The following ABCA12 variants were observed in gnomAD, a reference collection of about 807,000 sequenced individuals.
The protein encoded by ABCA12 is glucosylceramide transporter ABCA12.
ABCA12 carries 156 observed loss-of-function variants against 293.5 expected under a neutral mutation model. The ratio of observed to expected loss-of-function variants is 0.53; its 90% CI spans 0.47 to 0.61. The LOEUF (loss-of-function observed/expected upper bound fraction) is 0.61, where lower values mean the gene tolerates loss of function less well. ABCA12 is among the 20% of genes least tolerant of loss of function. ABCA12 has a pLI of 0.00. For missense variants in ABCA12, 2,797 were observed against 3,090.2 expected (o/e 0.91, Z 2.25); for synonymous variants, 1,063 against 1,108.0 (o/e 0.96, Z 0.81).
intron 15 of ABCA12, chr2:215,012,979 T>C (rs865877493): frequency 1.3e-5 from 2 of 152,362 alleles, no homozygotes; most frequent in South Asian, 2.1e-4. Context: ...ATAATGCTTA[T>C]GTGCTACAAG....
chr2:214,949,124 C>G lies in ABCA12; in HGVS notation c.6878G>C (p.Gly2293Ala), dbSNP rs1698671395. Residue 2293 changes from glycine to alanine, a missense_variant, in exon 46 of 53, where the codon GGA becomes GCA. Coordinates refer to ENST00000272895, the MANE Select transcript of ABCA12 (RefSeq NM_173076.3). ...CTTGAATATAGTGGTCTTTCCTGCT[C>G]CATTCACTCCAAGAAGCCCAAAACA... ...GECFGLLGVN[G>A]AGKTTIFKML... 1.2e-6 allele frequency: 2 copies of G among 1,613,626 alleles called. No homozygotes were observed. Among genetic ancestry groups the G allele is most frequent in the Non-Finnish European group, 1.7e-6 (2 of 1,179,822 alleles).
Position 214,950,970 on chromosome 2 carries a change from A to C in ABCA12, c.6761T>G (p.Val2254Gly), listed in dbSNP as rs1698747015. ...VESGAAEFDLVQLYCLTKTYQ... is the reference protein window; with the variant it reads ...VESGAAEFDLGQLYCLTKTYQ... ...GGTCTTTGTGAGACAATAAAGTTGG[A>C]CCAAGTCAAATTCAGCTGCACCACT... The change falls in exon 45 of 53, where the codon GTC becomes GGC. Residue 2254 changes from valine to glycine, a missense_variant. By Grantham distance (109) the Val-to-Gly change is moderately radical. This residue lies in a region of ABCA12 where 2,130 missense variants were observed against 2,427.0 expected (regional missense o/e 0.88). Transcript: ENST00000272895. 6.2e-7 allele frequency: 1 copy of C among 1,614,044 alleles called. No homozygotes were observed. Among genetic ancestry groups the C allele is most frequent in the African/African-American group, 1.3e-5 (1 of 74,936 alleles).
chr2:215,066,769 C>A (rs941070233), intron 2 of ABCA12, among the ~76,000 whole-genome samples: 2 of 152,124 alleles, frequency 1.3e-5, no homozygotes, highest in East Asian at 3.9e-4. Flanking sequence ...TTTCAGCTAA[C>A]AGAGTGCCAT....
At chr2:215,012,646 C>T (rs563488537) in intron 15 of ABCA12, among the ~76,000 whole-genome samples, 80 of 152,102 alleles carry the variant, frequency 5.3e-4, no homozygotes, top group African/African-American at 1.8e-3. Context: ...TGAAATGAGA[C>T]GTAACTGCAA....
At chr2:214,982,528 A>G in intron 29 of ABCA12, 145 bp from the exon 30 acceptor site, 1 of 645,986 alleles carries the variant, frequency 1.5e-6, no homozygotes, top group East Asian at 2.8e-5. Flanking sequence ...GATTCATAAT[A>G]TAGTTTTCTA....
chr2:215,104,359 A>C (rs1702419088), intron 2 of ABCA12, among the ~76,000 whole-genome samples: 2 of 152,202 alleles, frequency 1.3e-5, no homozygotes, highest in Non-Finnish European at 2.9e-5. Flanking sequence ...ATTAGCTGAG[A>C]AACCTTGTCA....
chr2:214,987,841 C>G (rs201825916), intron 26 of ABCA12, 48 bp from the exon 27 acceptor site: 4 of 1,593,090 alleles, frequency 2.5e-6, no homozygotes, highest in Non-Finnish European at 3.4e-6. Context: ...TGACTGTTAA[C>G]ATTTATCATC....
intron 2 of ABCA12, among the ~76,000 whole-genome samples, chr2:215,097,157 G>T (rs1399942693): frequency 6.6e-6 from 1 of 152,010 alleles, no homozygotes; most frequent in Non-Finnish European, 1.5e-5. Context: ...AGCAAAATAA[G>T]CCCTTTACCC....
chr2:215,051,590 ATATAT>A (rs1701320966), intron 5 of ABCA12, among the ~76,000 whole-genome samples: 1 of 146,662 alleles, frequency 6.8e-6, no homozygotes, highest in Non-Finnish European at 1.5e-5. Flanking sequence ...TAAGATATAG[ATATAT>A]TATTAAAAAC....
Position 214,975,788 on chromosome 2 carries a change from T to C in ABCA12, c.5378A>G (p.Tyr1793Cys), listed in dbSNP as rs892555844. The C allele has an allele frequency of 1.2e-6, 2 of 1,613,940 alleles. No homozygotes were observed. The highest frequency in any genetic ancestry group is 1.7e-6 in the Non-Finnish European group (2 of 1,179,938). The change falls in exon 34 of 53, where the codon TAT becomes TGT. Residue 1793 changes from tyrosine (Y) to cysteine (C), a missense_variant. Physicochemically the swap from Tyr to Cys is radical, Grantham distance 194. Coordinates refer to ENST00000272895, the MANE Select transcript of ABCA12 (RefSeq NM_173076.3). ...TAGTTAACAGAAAGAAACTTACGCA[T>C]AGAAGGCTGTCTGTTCGGAGGTACC... ...LYGTSEQTAF[Y>C]ANYHPSTEAL...
At chr2:214,943,122 ATT>A in intron 49 of ABCA12, 105 bp from the exon 50 acceptor site, 1 of 867,302 alleles carries the variant, frequency 1.2e-6, no homozygotes. Context: ...TGGAAATACT[ATT>A]TTAGTTTTTT....
In ABCA12 at chr2:215,076,345, G is replaced by A. The variant is rs188127034; in HGVS notation, c.164-12126C>T. 1.3e-3 allele frequency among the ~76,000 whole-genome samples: 205 copies of A among 152,220 alleles called. 7 individuals carry two copies. The highest frequency in any genetic ancestry group is 2.1e-3 in the African/African-American group (88 of 41,520). On this transcript the variant is annotated intron_variant, in intron 2 of 52. Transcript: ENST00000272895. ...AAATTCCCTGGTGGTATGTTCCCAC[G>A]TTGTACAGTTAAAATTTATCATTAA...
Position 215,026,687 on chromosome 2 carries a change from T to G in ABCA12, c.1180+133A>C, listed in dbSNP as rs72950259. 4,910 of 779,372 alleles carry G rather than the reference T, an allele frequency of 6.3e-3. 30 individuals are homozygous for G. The highest frequency in any genetic ancestry group is 8.3e-3 in the Non-Finnish European group (3,527 of 426,222). The allele number at this position is 779,372 out of a possible 1,614,324, so 48.3% of individuals were successfully genotyped here. On this transcript the variant is annotated intron_variant, in intron 10 of 52. Transcript: ENST00000272895. ...CCCTTTGTATATCAAATCACCAGAC[T>G]GAAACTGATGCATATGGAAACTAAG...
chr2:215,138,114 T>C (rs958494867), intron 1 of ABCA12, 26 bp downstream of exon 1: 4 of 1,611,782 alleles, frequency 2.5e-6, no homozygotes, highest in Non-Finnish European at 3.4e-6. Flanking sequence ...CCATGACCCA[T>C]ACTCCCACAC....
In ABCA12 at chr2:215,040,630, G is replaced by A. The variant is rs181878433; in HGVS notation, c.873-3565C>T. On this transcript the variant is annotated intron_variant, in intron 7 of 52. Coordinates refer to ENST00000272895, the MANE Select transcript of ABCA12 (RefSeq NM_173076.3). ...TCAAGACCAGCCTGGCCAACATGGT[G>A]AAACCCCGTCTCTACCAAAAATACG... Among the ~76,000 whole-genome samples, 458 of 152,182 alleles carry A rather than the reference G, an allele frequency of 3.0e-3. 4 individuals carry two copies. Among genetic ancestry groups the A allele is most frequent in the African/African-American group, 0.011 (445 of 41,526 alleles).
chr2:214,967,338 C>T (rs557971887), intron 38 of ABCA12, among the ~76,000 whole-genome samples: 175 of 152,092 alleles, frequency 1.2e-3, no homozygotes, highest in African/African-American at 4.0e-3. Context: ...ATGGAATAGA[C>T]CAAGCTGGAG....
intron 13 of ABCA12, 108 bp downstream of exon 13, chr2:215,019,228 T>C (rs1700569988): frequency 2.1e-6 from 2 of 948,178 alleles, no homozygotes; most frequent in Admixed American, 1.9e-5. Context: ...TAAGGGCAGA[T>C]AGCAAAGCGA....
At position 214,994,459 on chromosome 2, in the gene ABCA12, C is replaced by T. The variant is rs977638101; in HGVS notation, c.3294+3236G>A. Among the ~76,000 whole-genome samples, 8 of 152,150 alleles carry T rather than the reference C, an allele frequency of 5.3e-5. No homozygotes were observed. In the South Asian group the frequency reaches 8.3e-4, roughly 16 times the overall value. On this transcript the variant is annotated intron_variant, in intron 23 of 52. Coordinates refer to ENST00000272895, the MANE Select transcript of ABCA12 (RefSeq NM_173076.3). ...TAGAAGAGTTTGGATAAATGTGTTG[C>T]CACATTCATGAGAAGCTTATGCACA...
At chr2:215,031,959 A>G in intron 8 of ABCA12, 63 bp from the exon 9 acceptor site, 3 of 1,607,452 alleles carry the variant, frequency 1.9e-6, no homozygotes, top group Non-Finnish European at 2.5e-6. Context: ...TTTTTTCCTC[A>G]GTGAAAACCA....
Sources: gnomAD v4.1 joint callset for allele counts (sites outside exome capture counted in the v4.1 genomes callset) on GRCh38, gnomAD v4.1.1 for gene constraint, gnomAD v4.1.1 regional missense constraint, MANE v1.5 for transcripts, NCBI Gene and HGNC (gene_info 2026-07-23, HGNC 2026-07-21) for gene names.